Variants in LEKR1 observed in about 807,000 individuals in gnomAD.
LEKR1 encodes the protein protein LEKR1.
A neutral mutation model predicts 72.4 loss-of-function variants in LEKR1; 59 were observed. The ratio of observed to expected loss-of-function variants is 0.82; its 90% CI spans 0.66 to 1.01. The LOEUF (loss-of-function observed/expected upper bound fraction) is 1.01. Ranked by LOEUF, LEKR1 falls within the 50% of genes least tolerant of loss-of-function variation. The pLI is 0.00. For synonymous variants in LEKR1, 257 were observed against 263.2 expected (o/e 0.98, Z 0.23); for missense variants, 728 against 759.2 (o/e 0.96, Z 0.48).
At chr3:156,976,417 G>A (rs1301435502) in intron 6 of LEKR1, among the ~76,000 whole-genome samples, 1 of 151,984 alleles carries the variant, frequency 6.6e-6, no homozygotes, top group African/African-American at 2.4e-5. Context: ...AGCACCAGGG[G>A]CCATTTAATA....
intron 4 of LEKR1, among the ~76,000 whole-genome samples, chr3:156,924,085 A>G (rs1167796850): frequency 2.0e-5 from 3 of 152,094 alleles, no homozygotes; most frequent in East Asian, 1.9e-4. Flanking sequence ...CACATTTTAC[A>G]TTCCCACACC....
chr3:157,005,878 A>T (rs1405029525), intron 9 of LEKR1, among the ~76,000 whole-genome samples: 1 of 152,228 alleles, frequency 6.6e-6, no homozygotes. Flanking sequence ...TGAACAAAAG[A>T]CTTGAATAGA....
At chr3:156,918,649 A>G (rs1197995142) in intron 3 of LEKR1, among the ~76,000 whole-genome samples, 1 of 152,170 alleles carries the variant, frequency 6.6e-6, no homozygotes, top group Non-Finnish European at 1.5e-5. Flanking sequence ...TGGCAATTAT[A>G]TGTAGCATAA....
At chr3:156,961,868 T>C (rs1011643504) in intron 6 of LEKR1, among the ~76,000 whole-genome samples, 2 of 152,356 alleles carry the variant, frequency 1.3e-5, no homozygotes, top group Non-Finnish European at 1.5e-5. Context: ...TCTAAAGAAC[T>C]ATATATTCAA....
At chr3:156,867,947 A>T (rs756578897) in intron 3 of LEKR1, among the ~76,000 whole-genome samples, 12 of 152,116 alleles carry the variant, frequency 7.9e-5, no homozygotes, top group Non-Finnish European at 1.2e-4. Flanking sequence ...TTATATACCT[A>T]CTGGAAGGTA....
intron 2 of LEKR1, among the ~76,000 whole-genome samples, chr3:156,850,995 C>A (rs1481410451): frequency 6.6e-6 from 1 of 152,044 alleles, no homozygotes; most frequent in Non-Finnish European, 1.5e-5. Flanking sequence ...CCAATCAGAT[C>A]TAAGGTTGCA....
At chr3:156,868,558 G>C (rs142955273) in intron 3 of LEKR1, among the ~76,000 whole-genome samples, 1 of 151,998 alleles carries the variant, frequency 6.6e-6, no homozygotes, top group Non-Finnish European at 1.5e-5. Flanking sequence ...CAAATTGGGG[G>C]TAGAGTGTGA....
intron 3 of LEKR1, among the ~76,000 whole-genome samples, chr3:156,877,436 A>G (rs1718737932): frequency 6.6e-6 from 1 of 152,134 alleles, no homozygotes; most frequent in Non-Finnish European, 1.5e-5. Flanking sequence ...CTGTGAACCC[A>G]TATAGTCCTG....
rs1362556083 is a variant in LEKR1, at chr3:156,920,450, T to C, written c.264-125T>C. The C allele has an allele frequency of 1.7e-5, 10 of 600,486 alleles. No individual in the cohort carries two copies. The Admixed American group carries it at 1.9e-4, about 12-fold the overall frequency. The allele number at this position is 600,486 out of a possible 1,614,324, so 37.2% of individuals were successfully genotyped here. ...TCCATATTTTTTCTGTACATTCATA[T>C]AGCATATATAAGAGACATAGTTTCT... On this transcript the variant is annotated intron_variant, in intron 3 of 12. Transcript: ENST00000356539.
At chr3:156,930,557 C>A (rs535459635) in intron 5 of LEKR1, among the ~76,000 whole-genome samples, 1 of 151,908 alleles carries the variant, frequency 6.6e-6, no homozygotes, top group Non-Finnish European at 1.5e-5. Flanking sequence ...ATTTCTAGAG[C>A]AACTACTAAA....
intron 2 of LEKR1, among the ~76,000 whole-genome samples, chr3:156,840,332 G>T (rs1006360014): frequency 6.6e-6 from 1 of 152,058 alleles, no homozygotes; most frequent in East Asian, 1.9e-4. Flanking sequence ...TAATTAACAC[G>T]CAGTTCTTTA....
chr3:156,832,425 C>G (rs1712540647), intron 2 of LEKR1, among the ~76,000 whole-genome samples: 1 of 152,194 alleles, frequency 6.6e-6, no homozygotes, highest in African/African-American at 2.4e-5. Context: ...CCCATTTCTA[C>G]CAAACACAAA....
chr3:156,854,243 A>G (rs1233404102), intron 3 of LEKR1, among the ~76,000 whole-genome samples: 1 of 145,082 alleles, frequency 6.9e-6, no homozygotes, highest in African/African-American at 2.6e-5. Flanking sequence ...TTCCAGGTTC[A>G]AGCAATTTTC....
chr3:156,877,688 C>G (rs1718774331), intron 3 of LEKR1, among the ~76,000 whole-genome samples: 1 of 152,048 alleles, frequency 6.6e-6, no homozygotes, highest in Admixed American at 6.5e-5. Context: ...TCCAATTGGG[C>G]TTATTTGGTT....
In LEKR1 at chr3:157,045,384, C is replaced by G; in HGVS notation, c.1713C>G (p.Arg571=). The G allele has an allele frequency of 6.2e-7, 1 of 1,614,076 alleles. No homozygotes were observed. The highest frequency in any genetic ancestry group is 8.5e-7 in the Non-Finnish European group (1 of 1,179,980). ...QETVRRECEE[R]FELTEALSQA... The stretch of plus-strand genomic sequence containing the variant: ...CAGTGCGTAGAGAATGTGAAGAACG[C>G]TTTGAACTGACAGAGGCTTTGAGTC... Residue 571 remains arginine (R), a synonymous_variant, in exon 13 of 13, where the codon CGC becomes CGG. Transcript: ENST00000356539.
Position 156,996,437 on chromosome 3 carries a change from A to T in LEKR1, c.1109+3160A>T, listed in dbSNP as rs578150027. Among the ~76,000 whole-genome samples, 210 of 150,544 alleles carry T rather than the reference A, an allele frequency of 1.4e-3. 1 individual carries two copies. The highest frequency in any genetic ancestry group is 5.2e-4 in the Non-Finnish European group (35 of 66,848). Reference sequence around the variant, plus strand: ...CATAGTAAGTGTGAGTGATGCAGGCAGGGTCACATCATGCAGGGCCTTGCA... The same window carrying T: ...CATAGTAAGTGTGAGTGATGCAGGCTGGGTCACATCATGCAGGGCCTTGCA... On this transcript the variant is annotated intron_variant, in intron 9 of 12. Transcript: ENST00000356539.
intron 3 of LEKR1, among the ~76,000 whole-genome samples, chr3:156,919,040 T>A (rs958555137): frequency 2.0e-5 from 3 of 152,186 alleles, no homozygotes; most frequent in Admixed American, 1.3e-4. Flanking sequence ...AATGGATTAG[T>A]TCCCAAGATA....
intron 7 of LEKR1, among the ~76,000 whole-genome samples, chr3:156,990,226 A>G (rs1731044256): frequency 6.6e-6 from 1 of 152,142 alleles, no homozygotes; most frequent in Non-Finnish European, 1.5e-5. Context: ...GATTAAGGAT[A>G]TGTATTCTTA....
intron 6 of LEKR1, among the ~76,000 whole-genome samples, chr3:156,954,984 A>G (rs538902060): frequency 2.6e-5 from 4 of 152,202 alleles, no homozygotes; most frequent in South Asian, 4.1e-4. Flanking sequence ...CTTCCTATCC[A>G]TGAGCATGGA....
Sources: gnomAD v4.1 joint callset for allele counts (sites outside exome capture counted in the v4.1 genomes callset) on GRCh38, gnomAD v4.1.1 for gene constraint, MANE v1.5 for transcripts, NCBI Gene and HGNC (gene_info 2026-07-23, HGNC 2026-07-21) for gene names.